MICU2: variants seen among roughly 807,000 people sequenced by gnomAD.
MICU2 encodes calcium uptake protein 2, mitochondrial.
Under a neutral mutation model 60.4 loss-of-function variants are expected in MICU2, and 64 were observed. The observed-to-expected ratio is 1.06, with a 90% CI of 0.87 to 1.31. MICU2 has a LOEUF of 1.31. Ranked by LOEUF, MICU2 falls within the 50% of genes most tolerant of loss-of-function variation. MICU2 has a pLI of 0.00. For synonymous variants in MICU2, 201 were observed against 175.0 expected (o/e 1.15, Z -1.17); for missense variants, 569 against 531.0 (o/e 1.07, Z -0.70).
intron 2 of MICU2, among the ~76,000 whole-genome samples, chr13:21,550,222 C>A (rs1887521282): frequency 6.6e-6 from 1 of 152,092 alleles, no homozygotes; most frequent in African/African-American, 2.4e-5. Context: ...TTTGCAGTTT[C>A]AACTTATGCT....
In MICU2 at chr13:21,503,050, T is replaced by G. The variant is rs1330977331; in HGVS notation, c.809A>C (p.Gln270Pro). Residue 270 changes from glutamine (Q) to proline (P), a missense_variant, in exon 9 of 12, where the codon CAG (glutamine) becomes CCG (proline). Coordinates refer to ENST00000382374, the MANE Select transcript of MICU2 (RefSeq NM_152726.3). ...QTEIQEMEFL[Q>P]FSKGLSFMRK... Reference sequence around the variant, plus strand: ...CATGAAACTCAAACCTTTAGAAAACTGAAGGAATTCCATTTCTTGAATCTC... The same window carrying G: ...CATGAAACTCAAACCTTTAGAAAACGGAAGGAATTCCATTTCTTGAATCTC... 1.2e-6 allele frequency: 2 copies of G among 1,604,218 alleles called. No individual in the cohort carries two copies. Among genetic ancestry groups the G allele is most frequent in the African/African-American group, 2.7e-5 (2 of 74,272 alleles).
At chr13:21,598,554 A>G (rs1330672202) in intron 1 of MICU2, among the ~76,000 whole-genome samples, 1 of 152,056 alleles carries the variant, frequency 6.6e-6, no homozygotes, top group Non-Finnish European at 1.5e-5. Flanking sequence ...CGTCTCTACT[A>G]AAAATACAAA....
rs1886735960 is a variant in MICU2 at position 21,522,226 on chromosome 13, G to A, written c.514+377C>T. Reference sequence around the variant, plus strand: ...ATACCATGTTGTATTTAGCTGTCATGTCTCCTGAGTCTTCTCTAATCTGTA... The same window carrying A: ...ATACCATGTTGTATTTAGCTGTCATATCTCCTGAGTCTTCTCTAATCTGTA... On this transcript the variant is annotated intron_variant, in intron 5 of 11. Coordinates refer to ENST00000382374, the MANE Select transcript of MICU2 (RefSeq NM_152726.3). Among the ~76,000 whole-genome samples the A allele has an allele frequency of 2.0e-5, 3 of 152,200 alleles. No homozygotes were observed. The South Asian group carries it at 6.2e-4, about 32-fold the overall frequency.
At chr13:21,600,970 G>T (rs1485918707) in intron 1 of MICU2, among the ~76,000 whole-genome samples, 1 of 151,962 alleles carries the variant, frequency 6.6e-6, no homozygotes, top group Admixed American at 6.6e-5. Flanking sequence ...CTAATTTTTT[G>T]TATTTTTAGT....
rs1436014171 is a variant in MICU2 at position 21,503,727 on chromosome 13, T to C, written c.762-630A>G. Among the ~76,000 whole-genome samples the C allele has an allele frequency of 2.0e-5, 3 of 152,238 alleles. No individual in the cohort carries two copies. In the South Asian group the frequency reaches 6.2e-4, roughly 32 times the overall value. On this transcript the variant is annotated intron_variant, in intron 8 of 11. Transcript: ENST00000382374. Reference sequence around the variant, plus strand: ...AGGAAAGGGACACGTTGAAAAGATATCAGATGAAAATATATCTTCTTTGAA... The same window carrying C: ...AGGAAAGGGACACGTTGAAAAGATACCAGATGAAAATATATCTTCTTTGAA...
At chr13:21,595,565 G>A (rs1417673365) in intron 1 of MICU2, among the ~76,000 whole-genome samples, 1 of 152,230 alleles carries the variant, frequency 6.6e-6, no homozygotes, top group Non-Finnish European at 1.5e-5. Context: ...CTGCAGCTAT[G>A]AGCTGCTCCA....
intron 2 of MICU2, among the ~76,000 whole-genome samples, chr13:21,552,257 C>G (rs1201861207): frequency 1.3e-5 from 2 of 152,128 alleles, no homozygotes; most frequent in Non-Finnish European, 1.5e-5. Flanking sequence ...TGTTCATATC[C>G]TTCACCCACT....
chr13:21,572,963 G>A (rs948181879), intron 1 of MICU2, among the ~76,000 whole-genome samples: 1 of 151,738 alleles, frequency 6.6e-6, no homozygotes, highest in Non-Finnish European at 1.5e-5. Context: ...ATGTTTTCCT[G>A]CTTACACAGC....
At chr13:21,603,842 T>C (rs1215391087) in intron 1 of MICU2, 97 bp downstream of exon 1, 11 of 1,369,482 alleles carry the variant, frequency 8.0e-6, no homozygotes, top group Non-Finnish European at 7.0e-6. Context: ...CACCCACGGC[T>C]CCGGGAGAGC....
At chr13:21,570,559 C>T (rs182645226) in intron 1 of MICU2, among the ~76,000 whole-genome samples, 3 of 152,286 alleles carry the variant, frequency 2.0e-5, no homozygotes, top group Admixed American at 1.3e-4. Flanking sequence ...ATCATTTCCA[C>T]GAATGCACTG....
chr13:21,596,429 C>CTT (rs373445165), intron 1 of MICU2, among the ~76,000 whole-genome samples: 15 of 145,028 alleles, frequency 1.0e-4, no homozygotes, highest in Non-Finnish European at 1.5e-4. Flanking sequence ...CATTCAGGTT[C>CTT]TTTTTTTTTT....
At chr13:21,556,116 C>G (rs1887701814) in intron 2 of MICU2, among the ~76,000 whole-genome samples, 1 of 152,074 alleles carries the variant, frequency 6.6e-6, no homozygotes, top group African/African-American at 2.4e-5. Context: ...TTGTTTTTCC[C>G]CCATTTTTTC....
chr13:21,576,600 T>C lies in MICU2; in HGVS notation c.211-9656A>G, dbSNP rs139148653. Among the ~76,000 whole-genome samples the C allele has an allele frequency of 6.2e-3, 946 of 152,228 alleles. 3 individuals are homozygous for C. Among genetic ancestry groups the C allele is most frequent in the South Asian group, 0.016 (77 of 4,824 alleles). On this transcript the variant is annotated intron_variant, in intron 1 of 11. Transcript: ENST00000382374. ...ACAGTTTGTGACTGCAGTAGGAAAGTGATTCATTCATATAGTATTTTGCCC... is the reference window on the plus strand; with the variant it reads ...ACAGTTTGTGACTGCAGTAGGAAAGCGATTCATTCATATAGTATTTTGCCC...
At chr13:21,582,974 G>A (rs2761919) in intron 1 of MICU2, 146,211 of 154,580 alleles carry the variant, frequency 0.95, 69,308 homozygotes, top group East Asian at 1. Context: ...CTTTTGCAGC[G>A]TGGAAACTTC....
At chr13:21,586,388 T>C (rs1037263040) in intron 1 of MICU2, among the ~76,000 whole-genome samples, 1 of 152,188 alleles carries the variant, frequency 6.6e-6, no homozygotes, top group Non-Finnish European at 1.5e-5. Context: ...GCTATGAAAA[T>C]CCAACTTTTC....
chr13:21,525,181 A>ATTTTT lies in MICU2; in HGVS notation c.467-2536_467-2532dup, dbSNP rs71093324. 6.5e-4 allele frequency among the ~76,000 whole-genome samples: 54 copies of ATTTTT among 83,308 alleles called. 5 individuals carry two copies. Among genetic ancestry groups the ATTTTT allele is most frequent in the African/African-American group, 9.3e-4 (18 of 19,404 alleles). The allele number at this position is 83,308 out of a possible 152,430, so 54.7% of individuals were successfully genotyped here. ...TCATACAGTAATGCTGTGTAATTCAATTTTTTTTTTTTTTTTTTTTTTTTT... is the reference window on the plus strand; with the variant it reads ...TCATACAGTAATGCTGTGTAATTCAATTTTTTTTTTTTTTTTTTTTTTTTTTTTTT... On this transcript the variant is annotated intron_variant, in intron 4 of 11. Coordinates refer to ENST00000382374, the MANE Select transcript of MICU2 (RefSeq NM_152726.3).
chr13:21,603,681 C>G (rs1888878915), intron 1 of MICU2: 1 of 542,164 alleles, frequency 1.8e-6, no homozygotes, highest in South Asian at 2.3e-5. Flanking sequence ...GTTTTGTGGG[C>G]CGTGGTGTTC....
At chr13:21,559,673 C>T (rs930502967) in intron 2 of MICU2, among the ~76,000 whole-genome samples, 7 of 152,068 alleles carry the variant, frequency 4.6e-5, no homozygotes, top group Non-Finnish European at 7.4e-5. Flanking sequence ...TACAGATGCA[C>T]GCCACCATGC....
intron 8 of MICU2, among the ~76,000 whole-genome samples, chr13:21,508,371 A>G (rs922264448): frequency 2.6e-5 from 4 of 151,712 alleles, no homozygotes; most frequent in African/African-American, 4.8e-5. Flanking sequence ...GTGATCCACC[A>G]CCTCGGCCTT....
Sources: allele counts gnomAD v4.1 joint callset (sites outside exome capture counted in the v4.1 genomes callset), GRCh38; gene constraint gnomAD v4.1.1; transcripts MANE v1.5; gene names NCBI Gene and HGNC (gene_info 2026-07-23, HGNC 2026-07-21).